The following UBE3C variants were observed in gnomAD, a reference collection of about 807,000 sequenced individuals.
UBE3C encodes the protein ubiquitin-protein ligase E3C.
Under a neutral mutation model 129.4 loss-of-function variants are expected in UBE3C, and 42 were observed. That is an observed-to-expected ratio of 0.32 (90% CI 0.25 to 0.42). The LOEUF (loss-of-function observed/expected upper bound fraction) is 0.42. Among genes scored for constraint, UBE3C ranks in the 10% least tolerant of loss-of-function variants. The pLI is 1.00. For synonymous variants in UBE3C, 510 were observed against 492.4 expected (o/e 1.04, Z -0.47); for missense variants, 1,049 against 1,319.1 (o/e 0.80, Z 3.17).
At chr7:157,234,375 A>G (rs1796099324) in intron 18 of UBE3C, among the ~76,000 whole-genome samples, 1 of 152,176 alleles carries the variant, frequency 6.6e-6, no homozygotes, top group African/African-American at 2.4e-5. Context: ...GCATCCTCAT[A>G]TTCTTGGCAC....
Position 157,258,500 on chromosome 7 carries a change from T to G in UBE3C, c.3081+1456T>G, listed in dbSNP as rs140193917. ...CGGAGTTTTACTCTGTCGCCCAGGC[T>G]GGAGTGCAGAGGGCAATGGCGTGAT... On this transcript the variant is annotated intron_variant, in intron 22 of 22. Coordinates refer to ENST00000348165, the MANE Select transcript of UBE3C (RefSeq NM_014671.3). Among the ~76,000 whole-genome samples the G allele has an allele frequency of 3.5e-3, 530 of 152,362 alleles. 2 individuals are homozygous for G. The highest frequency in any genetic ancestry group is 0.012 in the African/African-American group (493 of 41,586).
At chr7:157,195,583 T>G (rs1809096346) in intron 10 of UBE3C, among the ~76,000 whole-genome samples, 1 of 152,188 alleles carries the variant, frequency 6.6e-6, no homozygotes, top group Non-Finnish European at 1.5e-5. Context: ...GTATAGCTGT[T>G]ACTGTATGCC....
chr7:157,153,846 AC>A, intron 1 of UBE3C, among the ~76,000 whole-genome samples: 1 of 152,016 alleles, frequency 6.6e-6, no homozygotes, highest in Non-Finnish European at 1.5e-5. Flanking sequence ...AAACAAAAAA[AC>A]GGGCATGGTG....
In UBE3C at chr7:157,259,247, C is replaced by T. The variant is rs151177711; in HGVS notation, c.3081+2203C>T. Among the ~76,000 whole-genome samples the T allele has an allele frequency of 1.2e-4, 19 of 152,362 alleles. No individual in the cohort carries two copies. In the East Asian group the frequency reaches 3.5e-3, roughly 28 times the overall value. On this transcript the variant is annotated intron_variant, in intron 22 of 22. Transcript: ENST00000348165. ...GTGACCAGCTCTTCAGGTGTTAGGC[C>T]GGTTGTCCCTTCGCGTCCTTCATAG...
At chr7:157,210,820 G>GTCC (rs1809570039) in intron 13 of UBE3C, among the ~76,000 whole-genome samples, 2 of 152,118 alleles carry the variant, frequency 1.3e-5, no homozygotes, top group South Asian at 4.1e-4. Flanking sequence ...TCCTATCATG[G>GTCC]TCCTCCCAAA....
At chr7:157,146,457 G>A (rs1053688181) in intron 1 of UBE3C, among the ~76,000 whole-genome samples, 2 of 151,594 alleles carry the variant, frequency 1.3e-5, no homozygotes, top group African/African-American at 2.4e-5. Context: ...TCCTGACCTC[G>A]TGATCTGCCC....
chr7:157,158,292 A>G (rs1418166518), intron 1 of UBE3C, among the ~76,000 whole-genome samples: 1 of 152,130 alleles, frequency 6.6e-6, no homozygotes, highest in Non-Finnish European at 1.5e-5. Flanking sequence ...TGGCCGAGAG[A>G]GGGAACCTAT....
intron 18 of UBE3C, among the ~76,000 whole-genome samples, chr7:157,241,715 C>T (rs1038114729): frequency 6.6e-6 from 1 of 152,204 alleles, no homozygotes; most frequent in East Asian, 1.9e-4. Flanking sequence ...CACACAAATT[C>T]TCACAACAGC....
intron 5 of UBE3C, among the ~76,000 whole-genome samples, chr7:157,175,936 T>C (rs1040857290): frequency 2.0e-5 from 3 of 152,194 alleles, no homozygotes; most frequent in Non-Finnish European, 4.4e-5. Context: ...TGGTCTCTAT[T>C]ATGTATTTTT....
chr7:157,248,240 T>C (rs1408009941), intron 18 of UBE3C, 128 bp from the exon 19 acceptor site: 5 of 832,158 alleles, frequency 6.0e-6, no homozygotes, highest in Non-Finnish European at 9.3e-6. Context: ...AGCTTCCATC[T>C]TCGGTACTAT....
chr7:157,238,080 C>T (rs1474415538), intron 18 of UBE3C, among the ~76,000 whole-genome samples: 2 of 152,038 alleles, frequency 1.3e-5, no homozygotes, highest in African/African-American at 2.4e-5. Flanking sequence ...CATGTAAATC[C>T]TTTTAAACAT....
At chr7:157,226,120 CTGT>C (rs1357643442) in intron 17 of UBE3C, among the ~76,000 whole-genome samples, 4 of 152,076 alleles carry the variant, frequency 2.6e-5, no homozygotes, top group Admixed American at 1.3e-4. Flanking sequence ...AGTTTGCAAG[CTGT>C]TGTTCTAAAA....
intron 3 of UBE3C, among the ~76,000 whole-genome samples, chr7:157,169,502 A>C (rs992113602): frequency 2.6e-5 from 4 of 151,764 alleles, no homozygotes; most frequent in African/African-American, 9.7e-5. Flanking sequence ...CAGCCTCCCG[A>C]GTAGCTGGGA....
intron 16 of UBE3C, among the ~76,000 whole-genome samples, chr7:157,224,314 C>T (rs1011356734): frequency 3.9e-5 from 6 of 152,118 alleles, no homozygotes; most frequent in African/African-American, 1.4e-4. Context: ...CCTGCTTCAG[C>T]CTCCCAAGTA....
intron 10 of UBE3C, chr7:157,192,542 C>T: frequency 1.3e-6 from 1 of 764,248 alleles, no homozygotes; most frequent in South Asian, 1.3e-5. Flanking sequence ...TGTCTGACTA[C>T]AACATTCAAA....
Position 157,138,959 on chromosome 7 carries a change from C to T in UBE3C, c.-314C>T, listed in dbSNP as rs553435863. ...TGACGGCTGACCGCCATCTTCCCTC[C>T]CGAGGCGGCAGTTCCAGGTGCAAGC... On this transcript the variant is annotated 5_prime_UTR_variant, in exon 1 of 23. Transcript: ENST00000348165. 457 of 152,332 alleles carry T rather than the reference C, an allele frequency of 3.0e-3. 1 individual carries two copies. The highest frequency in any genetic ancestry group is 4.9e-3 in the Non-Finnish European group (337 of 68,260). The allele number at this position is 152,332 out of a possible 1,614,324, so 9.4% of individuals were successfully genotyped here.
intron 10 of UBE3C, among the ~76,000 whole-genome samples, chr7:157,193,142 G>A (rs1252088854): frequency 6.6e-6 from 1 of 152,150 alleles, no homozygotes; most frequent in Admixed American, 6.5e-5. Context: ...GTCTCCAGAC[G>A]AAATACACCT....
intron 10 of UBE3C, among the ~76,000 whole-genome samples, chr7:157,187,575 T>G (rs1037989346): frequency 1.5e-4 from 22 of 145,728 alleles, no homozygotes; most frequent in South Asian, 1.1e-3. Context: ...GTGTGTGTGT[T>G]TGTTTTTTGT....
intron 11 of UBE3C, 129 bp downstream of exon 11, chr7:157,201,936 C>T: frequency 2.8e-6 from 2 of 716,140 alleles, no homozygotes; most frequent in Non-Finnish European, 4.6e-6. Flanking sequence ...AAGGTAAGTT[C>T]CAGATGGTCT....
Sources: gnomAD v4.1 joint callset for allele counts (sites outside exome capture counted in the v4.1 genomes callset) on GRCh38, gnomAD v4.1.1 for gene constraint, MANE v1.5 for transcripts, NCBI Gene and HGNC (gene_info 2026-07-23, HGNC 2026-07-21) for gene names.